The following GIGYF2 variants were observed in gnomAD, a reference collection of about 807,000 sequenced individuals.
The protein encoded by GIGYF2 is GRB10-interacting GYF protein 2.
GIGYF2 carries 25 observed loss-of-function variants against 208.1 expected under a neutral mutation model. The ratio of observed to expected loss-of-function variants is 0.12; its 90% confidence interval spans 0.09 to 0.17. GIGYF2 has a LOEUF of 0.17. Ranked by LOEUF, GIGYF2 falls within the 10% of genes least tolerant of loss-of-function variation. The probability of loss-of-function intolerance (pLI) is 1.00; values close to 1 mark genes in which losing one functional copy is unlikely to be tolerated. For synonymous variants in GIGYF2, 534 were observed against 543.8 expected (o/e 0.98, Z 0.25); for missense variants, 1,302 against 1,579.4 (o/e 0.82, Z 2.98).
intron 6 of GIGYF2, among the ~76,000 whole-genome samples, chr2:232,759,976 C>T (rs1698684500): frequency 6.6e-6 from 1 of 152,142 alleles, no homozygotes; most frequent in Non-Finnish European, 1.5e-5. Flanking sequence ...CCCTGTATGG[C>T]ATTCATGAGG....
In GIGYF2 at chr2:232,858,199, C is replaced by T. The variant is rs1354028454; in HGVS notation, c.*1339C>T. On this transcript the variant is annotated 3_prime_UTR_variant, in exon 29 of 29. Coordinates refer to ENST00000373563, the MANE Select transcript of GIGYF2 (RefSeq NM_001103146.3). The stretch of plus-strand genomic sequence containing the variant: ...GGGTTGGAGTCATTGGGCAGCTGTG[C>T]CTGTGCGAGAGGTGCTGTGGTCTGG... 1.4e-5 allele frequency: 4 copies of T among 288,678 alleles called. No individual in the cohort carries two copies. The highest frequency in any genetic ancestry group is 9.8e-5 in the South Asian group (3 of 30,608). 17.9% of individuals were successfully genotyped at this position (288,678 alleles called of 1,614,324 possible).
chr2:232,798,795 T>C (rs906104192), intron 14 of GIGYF2, among the ~76,000 whole-genome samples: 8 of 152,026 alleles, frequency 5.3e-5, no homozygotes, highest in African/African-American at 1.9e-4. Context: ...TTTACGTTTT[T>C]TTTTTAATTC....
chr2:232,706,093 T>A (rs1386102315), intron 2 of GIGYF2: 1 of 152,068 alleles, frequency 6.6e-6, no homozygotes, highest in Non-Finnish European at 1.5e-5. Context: ...TATATTAGTA[T>A]GTCTAGATTT....
intron 2 of GIGYF2, among the ~76,000 whole-genome samples, chr2:232,711,926 CTTCTG>C (rs1003727704): frequency 6.7e-5 from 10 of 150,058 alleles, no homozygotes; most frequent in Middle Eastern, 3.4e-3. Context: ...AATAGTTTGT[CTTCTG>C]TAAATATAAA....
chr2:232,760,608 A>T lies in GIGYF2; in HGVS notation c.491+17A>T, dbSNP rs1698711492. On this transcript the variant is annotated intron_variant, in intron 7 of 28. Coordinates refer to ENST00000373563, the MANE Select transcript of GIGYF2 (RefSeq NM_001103146.3). ...GGAGGAAAGGTAACTGGATCCACAT[A>T]TTGGCATAAAAATTTCTTGGCATAT... 1 of 1,505,958 alleles carries T rather than the reference A, an allele frequency of 6.6e-7. No individual in the cohort carries two copies. The highest frequency in any genetic ancestry group is 9.2e-7 in the Non-Finnish European group (1 of 1,082,006). The allele number at this position is 1,505,958 out of a possible 1,614,324, so 93.3% of individuals were successfully genotyped here. A position where few individuals can be genotyped will look rare whatever the true frequency, so the allele number is the denominator to read the frequency against.
At chr2:232,769,865 A>C (rs569313548) in intron 8 of GIGYF2, among the ~76,000 whole-genome samples, 1 of 152,346 alleles carries the variant, frequency 6.6e-6, no homozygotes, top group Non-Finnish European at 1.5e-5. Flanking sequence ...CTGATACATT[A>C]AATAACAGTC....
intron 20 of GIGYF2, among the ~76,000 whole-genome samples, chr2:232,817,754 C>T (rs1324593600): frequency 6.6e-6 from 1 of 152,062 alleles, no homozygotes; most frequent in African/African-American, 2.4e-5. Context: ...TTATCCATTC[C>T]TATTTTGTTT....
chr2:232,769,729 G>A (rs761176302), intron 8 of GIGYF2, among the ~76,000 whole-genome samples: 8 of 151,950 alleles, frequency 5.3e-5, no homozygotes, highest in Non-Finnish European at 1.0e-4. Context: ...TGTTGGTAAG[G>A]TCTAAGAAGT....
intron 23 of GIGYF2, among the ~76,000 whole-genome samples, chr2:232,842,075 A>G (rs1465289485): frequency 1.3e-5 from 2 of 152,096 alleles, no homozygotes; most frequent in Non-Finnish European, 2.9e-5. Context: ...CCTGAGCTCA[A>G]GCGATCTTCC....
chr2:232,729,280 T>C (rs1167695592), intron 2 of GIGYF2, among the ~76,000 whole-genome samples: 1 of 152,110 alleles, frequency 6.6e-6, no homozygotes, highest in Non-Finnish European at 1.5e-5. Flanking sequence ...GCATCCGGCC[T>C]CCAGAGCTGT....
chr2:232,804,724 C>T (rs555416757), intron 14 of GIGYF2, among the ~76,000 whole-genome samples: 29 of 152,266 alleles, frequency 1.9e-4, no homozygotes, highest in African/African-American at 4.8e-4. Context: ...AACTCCTGAC[C>T]TCAGGTGATC....
intron 28 of GIGYF2, among the ~76,000 whole-genome samples, chr2:232,854,255 G>T (rs1218164500): frequency 6.6e-6 from 1 of 152,184 alleles, no homozygotes; most frequent in African/African-American, 2.4e-5. Context: ...CACTTTGGGA[G>T]GCCAGCGTGG....
At chr2:232,832,520 C>A (rs1049517221) in intron 21 of GIGYF2, among the ~76,000 whole-genome samples, 1 of 152,186 alleles carries the variant, frequency 6.6e-6, no homozygotes, top group African/African-American at 2.4e-5. Flanking sequence ...GCGCTCAGCA[C>A]CCTGAAAGGC....
At chr2:232,816,493 A>G (rs1260950217) in intron 19 of GIGYF2, among the ~76,000 whole-genome samples, 5 of 152,190 alleles carry the variant, frequency 3.3e-5, no homozygotes, top group Non-Finnish European at 7.3e-5. Flanking sequence ...ATCCAAGAGC[A>G]TTCTGATGTT....
intron 21 of GIGYF2, among the ~76,000 whole-genome samples, chr2:232,830,999 C>T (rs900331061): frequency 2.0e-5 from 3 of 152,068 alleles, no homozygotes; most frequent in African/African-American, 7.2e-5. Context: ...TGGAATTTAT[C>T]TGAAGTTTTT....
chr2:232,698,422 G>C (rs1430554890), intron 1 of GIGYF2: 3 of 152,074 alleles, frequency 2.0e-5, no homozygotes, highest in Non-Finnish European at 4.4e-5. Context: ...CCAATGTTGT[G>C]CCTGGGGAAG....
chr2:232,816,547 G>A (rs1368971270), intron 19 of GIGYF2, among the ~76,000 whole-genome samples: 1 of 152,170 alleles, frequency 6.6e-6, no homozygotes, highest in African/African-American at 2.4e-5. Flanking sequence ...GTGGAGGCAA[G>A]TACAGGTGGG....
At position 232,806,450 on chromosome 2, in the gene GIGYF2, A is replaced by AC; in HGVS notation, c.1640-41_1640-40insC. 1 of 1,376,060 alleles carries AC rather than the reference A, an allele frequency of 7.3e-7. No homozygotes were observed. Among genetic ancestry groups the AC allele is most frequent in the Non-Finnish European group, 1.0e-6 (1 of 962,646 alleles). The allele number at this position is 1,376,060 out of a possible 1,614,324, so 85.2% of individuals were successfully genotyped here. Reference sequence around the variant, plus strand: ...TATTTTTTTTCTCTTTGAGTCTGAAAGGTTTCTTATTGTCTTTCTGTTTAA... The same window carrying AC: ...TATTTTTTTTCTCTTTGAGTCTGAAACGGTTTCTTATTGTCTTTCTGTTTAA... On this transcript the variant is annotated intron_variant, in intron 14 of 28. Coordinates refer to ENST00000373563, the MANE Select transcript of GIGYF2 (RefSeq NM_001103146.3). The surrounding 1 kb of genome is among the most constrained non-coding windows in gnomAD (Gnocchi z 4.0).
chr2:232,850,823 T>C (rs1052182736), intron 28 of GIGYF2, among the ~76,000 whole-genome samples: 1 of 152,234 alleles, frequency 6.6e-6, no homozygotes, highest in Non-Finnish European at 1.5e-5. Flanking sequence ...AACCAGTATA[T>C]GTTCATAATC....
Sources: gnomAD v4.1 joint callset for allele counts (sites outside exome capture counted in the v4.1 genomes callset) on GRCh38, gnomAD v4.1.1 for gene constraint, Gnocchi (gnomAD v3.1) non-coding constraint, MANE v1.5 for transcripts, NCBI Gene and HGNC (gene_info 2026-07-23, HGNC 2026-07-21) for gene names.